The following TMEM184B variants were observed in gnomAD, a reference collection of about 807,000 sequenced individuals.
TMEM184B encodes the protein putative MAPK-activating protein FM08.
Under a neutral mutation model 41.8 loss-of-function variants are expected in TMEM184B, and 17 were observed. The observed-to-expected ratio is 0.41, with a 90% CI of 0.28 to 0.61. The LOEUF (loss-of-function observed/expected upper bound fraction) is 0.61, where lower values mean the gene tolerates loss of function less well. Ranked by LOEUF, TMEM184B falls within the 20% of genes least tolerant of loss-of-function variation. The pLI is 0.34. For missense variants in TMEM184B, 393 were observed against 557.8 expected, an observed-to-expected ratio of 0.70 and a Z score of 2.98; for synonymous variants, 240 against 229.5, an observed-to-expected ratio of 1.05 and a Z score of -0.41.
Position 38,247,895 on chromosome 22 carries a change from TG to T in TMEM184B, c.66del (p.Ser23AlafsTer4). 2 of 1,609,700 alleles carry T rather than the reference TG, an allele frequency of 1.2e-6. No homozygotes were observed. The highest frequency in any genetic ancestry group is 3.3e-4 in the Middle Eastern group (2 of 6,014). On this transcript the variant is annotated frameshift_variant, in exon 2 of 9. Transcript: ENST00000361906. LOFTEE classifies it high-confidence loss of function. ...CTGCCCTCGGGGATCACGGAGACGC[TG>T]GGCGAGGCTGCTGCGGTCGTGGGCG... ...PASPTTAAAS[P>X]SVSVIPEGSP...
In TMEM184B at chr22:38,226,522, G is replaced by A. The variant is rs1339669267; in HGVS notation, c.617+257C>T. On this transcript the variant is annotated intron_variant, in intron 6 of 8. Coordinates refer to ENST00000361906, the MANE Select transcript of TMEM184B (RefSeq NM_012264.5). The surrounding 1 kb of genome is among the most constrained non-coding windows in gnomAD (Gnocchi z 4.6). ...CCTCAGCAGTGGTCACTGTCCCTTT[G>A]TGGCCCATCCCTTCATGGTACCACT... 4 of 433,912 alleles carry A rather than the reference G, an allele frequency of 9.2e-6. No individual in the cohort carries two copies. The highest frequency in any genetic ancestry group is 8.0e-5 in the African/African-American group (4 of 50,188). The allele number at this position is 433,912 out of a possible 1,614,324, so 26.9% of individuals were successfully genotyped here. A position where few individuals can be genotyped will look rare whatever the true frequency, so the allele number is the denominator to read the frequency against.
chr22:38,263,376 T>A (rs151028487), intron 1 of TMEM184B, among the ~76,000 whole-genome samples: 1,808 of 152,206 alleles, frequency 0.012, 19 homozygotes, highest in Non-Finnish European at 0.019. Context: ...CAAAGACACT[T>A]TTGATTCTCT....
chr22:38,224,840 G>A lies in TMEM184B; in HGVS notation c.927C>T (p.Ala309=). 2 of 1,613,700 alleles carry A rather than the reference G, an allele frequency of 1.2e-6. No individual in the cohort carries two copies. Among genetic ancestry groups the A allele is most frequent in the Non-Finnish European group, 1.7e-6 (2 of 1,179,874 alleles). ...CCTTGTAGGTGAAGGCGTGCCGCAG[G>A]GCCAGGGCTGCAAAGAACATCTCCA... is the stretch of plus-strand genomic sequence containing the variant. The part of the protein sequence containing the change: ...ICVEMFFAAL[A]LRHAFTYKVY... The change falls in exon 8 of 9, where the codon GCC becomes GCT. Residue 309 remains alanine (A), a synonymous_variant. Coordinates refer to ENST00000361906, the MANE Select transcript of TMEM184B (RefSeq NM_012264.5).
At chr22:38,265,048 C>T (rs1310732356) in intron 1 of TMEM184B, among the ~76,000 whole-genome samples, 2 of 152,188 alleles carry the variant, frequency 1.3e-5, no homozygotes, top group African/African-American at 4.8e-5. Context: ...TTCCCACATC[C>T]TATTTAAACT....
rs892658918 is a variant in TMEM184B at position 38,272,908 on chromosome 22, C to G, written c.-83G>C. 3.4e-5 allele frequency: 24 copies of G among 698,142 alleles called. No individual in the cohort carries two copies. Among genetic ancestry groups the G allele is most frequent in the African/African-American group, 5.8e-5 (3 of 51,996 alleles). The allele number at this position is 698,142 out of a possible 1,614,324, so 43.2% of individuals were successfully genotyped here. On this transcript the variant is annotated 5_prime_UTR_variant, in exon 1 of 9. Transcript: ENST00000361906. ...CCTCAGGAGCCCATGGCGGTGGCGG[C>G]GTCTGCGGACGATGCGCGGCAGCCG...
intron 2 of TMEM184B, 70 bp downstream of exon 2, chr22:38,247,700 C>A: frequency 6.6e-7 from 1 of 1,519,284 alleles, no homozygotes; most frequent in Non-Finnish European, 8.8e-7. Context: ...CTAGCCTAGC[C>A]TAACCCACAC....
At chr22:38,237,376 T>A (rs1358317180) in intron 3 of TMEM184B, among the ~76,000 whole-genome samples, 1 of 152,216 alleles carries the variant, frequency 6.6e-6, no homozygotes, top group Non-Finnish European at 1.5e-5. Context: ...ATAACTTCAA[T>A]ACACACTCGC....
intron 3 of TMEM184B, among the ~76,000 whole-genome samples, chr22:38,240,888 T>C (rs953202890): frequency 3.3e-5 from 5 of 152,202 alleles, no homozygotes; most frequent in African/African-American, 4.8e-5. Context: ...CAACTTAGGA[T>C]TGTATTTCCC....
chr22:38,218,177 C>T (rs1276496023), downstream of TMEM184B, among the ~76,000 whole-genome samples: 1 of 152,206 alleles, frequency 6.6e-6, no homozygotes, highest in East Asian at 1.9e-4. Flanking sequence ...CAGCCCCCAC[C>T]TGCAGGCCTA....
chr22:38,269,911 G>A (rs1284134755), intron 1 of TMEM184B, among the ~76,000 whole-genome samples: 4 of 152,126 alleles, frequency 2.6e-5, no homozygotes, highest in Admixed American at 6.6e-5. Context: ...ACAAAGGCCT[G>A]GTCTTCCAGA....
At chr22:38,259,997 G>A (rs1023824263) in intron 1 of TMEM184B, among the ~76,000 whole-genome samples, 4 of 142,242 alleles carry the variant, frequency 2.8e-5, no homozygotes, top group African/African-American at 1.1e-4. Flanking sequence ...AGGCTGGAGT[G>A]CAGTGGCGTG....
intron 1 of TMEM184B, among the ~76,000 whole-genome samples, chr22:38,253,891 G>GT (rs1457304337): frequency 6.6e-6 from 1 of 152,168 alleles, no homozygotes; most frequent in Admixed American, 6.6e-5. Context: ...CATTGGGAAT[G>GT]TATGAAGAAT....
intron 2 of TMEM184B, among the ~76,000 whole-genome samples, chr22:38,247,179 C>G (rs536158240): frequency 5.3e-5 from 8 of 152,238 alleles, no homozygotes; most frequent in African/African-American, 1.9e-4. Context: ...TTCCTCTCCC[C>G]CTCCCTCTCA....
chr22:38,225,806 C>T lies in TMEM184B; in HGVS notation c.618-213G>A, dbSNP rs2091417575. ...GCAGGCCAGACCAGCTCTACTGCCTCTGCGTGGCTCGTGGACTTGTCTAAG... is the reference window on the plus strand; with the variant it reads ...GCAGGCCAGACCAGCTCTACTGCCTTTGCGTGGCTCGTGGACTTGTCTAAG... On this transcript the variant is annotated intron_variant, in intron 6 of 8. Coordinates refer to ENST00000361906, the MANE Select transcript of TMEM184B (RefSeq NM_012264.5). This position sits in a 1 kb window ranked among gnomAD's most constrained non-coding sequence, Gnocchi z 4.4. Among the ~76,000 whole-genome samples, 1 of 152,202 alleles carries T rather than the reference C, an allele frequency of 6.6e-6. No individual in the cohort carries two copies. The highest frequency in any genetic ancestry group is 1.5e-5 in the Non-Finnish European group (1 of 68,036).
intron 8 of TMEM184B, chr22:38,224,076 A>G (rs2091347757): frequency 1.3e-5 from 2 of 152,112 alleles, no homozygotes; most frequent in Admixed American, 6.5e-5. Flanking sequence ...GTTAAAACCT[A>G]TTACCATCCG....
In TMEM184B at chr22:38,239,942, A is replaced by T. The variant is rs773417274; in HGVS notation, c.358+5993T>A. Among the ~76,000 whole-genome samples the T allele has an allele frequency of 5.4e-5, 8 of 147,420 alleles. No individual in the cohort carries two copies. Among genetic ancestry groups the T allele is most frequent in the Non-Finnish European group, 1.2e-4 (8 of 66,442 alleles). On this transcript the variant is annotated intron_variant, in intron 3 of 8. Coordinates refer to ENST00000361906, the MANE Select transcript of TMEM184B (RefSeq NM_012264.5). The surrounding 1 kb of genome is among the most constrained non-coding windows in gnomAD (Gnocchi z 4.6). The stretch of plus-strand genomic sequence containing the variant: ...CATCACCCAATCAGGAGGTCCAGCA[A>T]TTTTTTTTTTTTCTGGGGCGGGTAG...
Position 38,239,262 on chromosome 22 carries a change from C to T in TMEM184B, c.358+6673G>A, listed in dbSNP as rs2091852165. ...ATGGTACGTGGCACTAAGCCCTCTTCCAAGACTCAGCCCTCTCTTTGAGAA... is the reference window on the plus strand; with the variant it reads ...ATGGTACGTGGCACTAAGCCCTCTTTCAAGACTCAGCCCTCTCTTTGAGAA... On this transcript the variant is annotated intron_variant, in intron 3 of 8. Transcript: ENST00000361906. The surrounding 1 kb of genome is among the most constrained non-coding windows in gnomAD (Gnocchi z 4.6). 1 of 152,374 alleles carries T rather than the reference C, an allele frequency of 6.6e-6. No homozygotes were observed. The highest frequency in any genetic ancestry group is 2.1e-4 in the South Asian group (1 of 4,838). The allele number at this position is 152,374 out of a possible 1,614,324, so 9.4% of individuals were successfully genotyped here. A position where few individuals can be genotyped will look rare whatever the true frequency, so the allele number is the denominator to read the frequency against.
chr22:38,246,831 T>C (rs963173410), intron 2 of TMEM184B: 20 of 1,301,256 alleles, frequency 1.5e-5, no homozygotes, highest in Non-Finnish European at 1.9e-5. Flanking sequence ...AGGCAGCCCC[T>C]GGGTGTCTCG....
At chr22:38,232,273 T>C (rs1010032080) in intron 3 of TMEM184B, 1 of 152,104 alleles carries the variant, frequency 6.6e-6, no homozygotes, top group African/African-American at 2.4e-5. Context: ...CGGCTCAACA[T>C]CTCCACAAAG....
Sources: allele counts gnomAD v4.1 joint callset (sites outside exome capture counted in the v4.1 genomes callset), GRCh38; gene constraint gnomAD v4.1.1; non-coding constraint Gnocchi (gnomAD v3.1); transcripts MANE v1.5; gene names NCBI Gene and HGNC (gene_info 2026-07-23, HGNC 2026-07-21).